Variants in GPD1 observed in about 807,000 individuals in gnomAD.
GPD1 encodes the protein glycerol-3-phosphate dehydrogenase 1.
GPD1 carries 19 observed loss-of-function variants against 34.4 expected under a neutral mutation model. The observed-to-expected ratio is 0.55, with a 90% CI of 0.39 to 0.81. The LOEUF (loss-of-function observed/expected upper bound fraction) is 0.81. Ranked by LOEUF, GPD1 falls within the 30% of genes least tolerant of loss-of-function variation. GPD1 has a pLI of 0.00. For missense variants in GPD1, 429 were observed against 447.0 expected (o/e 0.96, Z 0.36); for synonymous variants, 172 against 174.1 (o/e 0.99, Z 0.09).
rs2092015983 is a variant in GPD1, at chr12:50,110,820, T to C, written c.*1301T>C. On this transcript the variant is annotated 3_prime_UTR_variant, in exon 8 of 8. Coordinates refer to ENST00000301149, the MANE Select transcript of GPD1 (RefSeq NM_005276.4). ...GAACAGGAGGGGAGGAGGAGGAGTG[T>C]GCTCTGCACTTGCCTTGCTCCAGGA... 6.5e-6 allele frequency: 1 copy of C among 152,770 alleles called. No individual in the cohort carries two copies. Among genetic ancestry groups the C allele is most frequent in the Non-Finnish European group, 1.5e-5 (1 of 68,178 alleles). 9.5% of individuals were successfully genotyped at this position (152,770 alleles called of 1,614,324 possible). A position where few individuals can be genotyped will look rare whatever the true frequency, so the allele number is the denominator to read the frequency against.
intron 5 of GPD1, chr12:50,107,151 C>A (rs1340084079): frequency 5.9e-6 from 4 of 676,484 alleles, no homozygotes; most frequent in Non-Finnish European, 1.1e-5. Context: ...ATTTTAGCCC[C>A]GTGTGGGACT....
chr12:50,109,449 A>G lies in GPD1; in HGVS notation c.980A>G (p.Lys327Arg), dbSNP rs1951006995. The G allele has an allele frequency of 1.3e-6, 2 of 1,581,526 alleles. No individual in the cohort carries two copies. Among genetic ancestry groups the G allele is most frequent in the Non-Finnish European group, 1.7e-6 (2 of 1,150,342 alleles). The change falls in exon 8 of 8, where the codon AAG (lysine) becomes AGG (arginine). Residue 327 changes from lysine to arginine, a missense_variant. Transcript: ENST00000301149. ...DKFPLFMAVYKVCYEGQPVGE... is the reference protein window; with the variant it reads ...DKFPLFMAVYRVCYEGQPVGE... ...TTTCCCTTGTTCATGGCTGTGTACA[A>G]GGTGTGCTACGAGGGCCAGCCAGTG...
At position 50,109,524 on chromosome 12, in the gene GPD1, G is replaced by T. The variant is rs752005800; in HGVS notation, c.*5G>T. 6.8e-7 allele frequency: 1 copy of T among 1,463,370 alleles called. No homozygotes were observed. Among genetic ancestry groups the T allele is most frequent in the Non-Finnish European group, 9.6e-7 (1 of 1,041,858 alleles). The allele number at this position is 1,463,370 out of a possible 1,614,324, so 90.6% of individuals were successfully genotyped here. A position where few individuals can be genotyped will look rare whatever the true frequency, so the allele number is the denominator to read the frequency against. ...AATCATCCAGAACATATGTGAGTGG[G>T]GCCAGGGCCCAGGCCAGGCCGCTTT... On this transcript the variant is annotated 3_prime_UTR_variant, in exon 8 of 8. Transcript: ENST00000301149.
At position 50,105,541 on chromosome 12, in the gene GPD1, C is replaced by A; in HGVS notation, c.220-7C>A. On this transcript the variant is annotated splice_region_variant and splice_polypyrimidine_tract_variant and intron_variant, in intron 2 of 7. Transcript: ENST00000301149. ...CCAGGCCCGCGAGCACTTGGTCACC[C>A]CCACAGGTGGCTGTCCCAGATGTGG... 6.2e-7 allele frequency: 1 copy of A among 1,610,544 alleles called. No homozygotes were observed. The highest frequency in any genetic ancestry group is 8.5e-7 in the Non-Finnish European group (1 of 1,177,496).
intron 6 of GPD1, 42 bp downstream of exon 6, chr12:50,107,842 G>C: frequency 7.1e-7 from 1 of 1,399,684 alleles, no homozygotes; most frequent in Non-Finnish European, 1.0e-6. Flanking sequence ...CGGCTCTGTA[G>C]GCATCCAGGT....
At chr12:50,104,191 C>A in intron 1 of GPD1, 100 bp downstream of exon 1, 2 of 1,103,894 alleles carry the variant, frequency 1.8e-6, no homozygotes, top group South Asian at 1.2e-5. Flanking sequence ...GGTTCCTGTT[C>A]AGCCCCTGCT....
chr12:50,108,908 G>A (rs1951001675), intron 7 of GPD1, among the ~76,000 whole-genome samples: 1 of 152,086 alleles, frequency 6.6e-6, no homozygotes, highest in Non-Finnish European at 1.5e-5. Flanking sequence ...AGGCCAAGGT[G>A]GGTGGATCAC....
chr12:50,106,106 G>T, intron 3 of GPD1, 182 bp from the exon 4 acceptor site: 1 of 624,988 alleles, frequency 1.6e-6, no homozygotes, highest in Non-Finnish European at 2.8e-6. Flanking sequence ...AGGGTATGTG[G>T]CAGGACAGTT....
chr12:50,108,918 C>T (rs1320368445), intron 7 of GPD1, among the ~76,000 whole-genome samples: 9 of 151,954 alleles, frequency 5.9e-5, no homozygotes, highest in East Asian at 5.8e-4. Flanking sequence ...GGGTGGATCA[C>T]GAGGTCAGGA....
intron 5 of GPD1, 149 bp downstream of exon 5, chr12:50,107,066 G>T: frequency 1.4e-6 from 1 of 706,996 alleles, no homozygotes; most frequent in Non-Finnish European, 2.6e-6. Context: ...AGGAGGAGCT[G>T]CAGAAGCAAG....
intron 1 of GPD1, 184 bp downstream of exon 1, chr12:50,104,275 G>A: frequency 1.4e-6 from 1 of 708,664 alleles, no homozygotes; most frequent in South Asian, 1.6e-5. Flanking sequence ...CTGGGCAGCT[G>A]CACCTGTTCA....
rs1164138185 is a variant in GPD1, at chr12:50,109,795, A to C, written c.*276A>C. The C allele has an allele frequency of 4.8e-6, 2 of 419,530 alleles. No homozygotes were observed. Among genetic ancestry groups the C allele is most frequent in the East Asian group, 8.5e-5 (2 of 23,514 alleles). The allele number at this position is 419,530 out of a possible 1,614,324, so 26.0% of individuals were successfully genotyped here. A position where few individuals can be genotyped will look rare whatever the true frequency, so the allele number is the denominator to read the frequency against. On this transcript the variant is annotated 3_prime_UTR_variant, in exon 8 of 8. Coordinates refer to ENST00000301149, the MANE Select transcript of GPD1 (RefSeq NM_005276.4). Reference sequence around the variant, plus strand: ...CTCCATATCCTCTGGGAGGGGTGGAATCAAGCCCCAGTGCTGCCTGCTTGG... The same window carrying C: ...CTCCATATCCTCTGGGAGGGGTGGACTCAAGCCCCAGTGCTGCCTGCTTGG...
At position 50,108,053 on chromosome 12, in the gene GPD1, G is replaced by C; in HGVS notation, c.876G>C (p.Leu292=). The C allele has an allele frequency of 6.2e-6, 10 of 1,612,764 alleles. No individual in the cohort carries two copies. Among genetic ancestry groups the C allele is most frequent in the Non-Finnish European group, 8.5e-6 (10 of 1,179,074 alleles). The change falls in exon 7 of 8, where the codon CTG becomes CTC. Residue 292 remains leucine, a synonymous_variant. Coordinates refer to ENST00000301149, the MANE Select transcript of GPD1 (RefSeq NM_005276.4). ...KSIEQLEKEL[L]NGQKLQGPET... Reference sequence around the variant, plus strand: ...TTGAGCAGCTGGAGAAAGAGTTGCTGAATGGGCAGAAACTGCAGGGGCCCG... The same window carrying C: ...TTGAGCAGCTGGAGAAAGAGTTGCTCAATGGGCAGAAACTGCAGGGGCCCG...
In GPD1 at chr12:50,109,540, AG is replaced by A; in HGVS notation, c.*23del. On this transcript the variant is annotated 3_prime_UTR_variant, in exon 8 of 8. Transcript: ENST00000301149. ...TGTGAGTGGGGCCAGGGCCCAGGCC[AG>A]GCCGCTTTTTTACCCCAGTGGAGAC... 1 of 1,288,644 alleles carries A rather than the reference AG, an allele frequency of 7.8e-7. No homozygotes were observed. Among genetic ancestry groups the A allele is most frequent in the Non-Finnish European group, 1.1e-6 (1 of 881,914 alleles). The allele number at this position is 1,288,644 out of a possible 1,614,324, so 79.8% of individuals were successfully genotyped here. A position where few individuals can be genotyped will look rare whatever the true frequency, so the allele number is the denominator to read the frequency against.
chr12:50,104,208 T>C, intron 1 of GPD1, 117 bp downstream of exon 1: 1 of 977,082 alleles, frequency 1.0e-6, no homozygotes, highest in South Asian at 1.3e-5. Context: ...TGCTGCTATC[T>C]TCTATCATAG....
intron 5 of GPD1, 116 bp downstream of exon 5, chr12:50,107,033 T>C: frequency 1.4e-6 from 1 of 731,244 alleles, no homozygotes; most frequent in Non-Finnish European, 2.5e-6. Flanking sequence ...TGGTTCCCCT[T>C]TCCTACCATG....
In GPD1 at chr12:50,109,796, T is replaced by G. The variant is rs1371530222; in HGVS notation, c.*277T>G. The G allele has an allele frequency of 2.4e-6, 1 of 420,884 alleles. No homozygotes were observed. The highest frequency in any genetic ancestry group is 4.2e-5 in the East Asian group (1 of 23,670). The allele number at this position is 420,884 out of a possible 1,614,324, so 26.1% of individuals were successfully genotyped here. On this transcript the variant is annotated 3_prime_UTR_variant, in exon 8 of 8. Transcript: ENST00000301149. Reference sequence around the variant, plus strand: ...TCCATATCCTCTGGGAGGGGTGGAATCAAGCCCCAGTGCTGCCTGCTTGGT... The same window carrying G: ...TCCATATCCTCTGGGAGGGGTGGAAGCAAGCCCCAGTGCTGCCTGCTTGGT...
rs1951020853 is a variant in GPD1 at position 50,111,238 on chromosome 12, C to T, written c.*1719C>T. 1 of 152,220 alleles carries T rather than the reference C, an allele frequency of 6.6e-6. No homozygotes were observed. The highest frequency in any genetic ancestry group is 1.5e-5 in the Non-Finnish European group (1 of 68,050). 9.4% of individuals were successfully genotyped at this position (152,220 alleles called of 1,614,324 possible). On this transcript the variant is annotated 3_prime_UTR_variant, in exon 8 of 8. Coordinates refer to ENST00000301149, the MANE Select transcript of GPD1 (RefSeq NM_005276.4). This position sits in a 1 kb window ranked among gnomAD's most constrained non-coding sequence, Gnocchi z 4.1. Reference sequence around the variant, plus strand: ...CAAGCACTTTGCCTACTTTTGTTCACTCCCCAGTGCACTGTGACTCAGGCC... The same window carrying T: ...CAAGCACTTTGCCTACTTTTGTTCATTCCCCAGTGCACTGTGACTCAGGCC...
Position 50,109,824 on chromosome 12 carries a change from C to G in GPD1, c.*305C>G, listed in dbSNP as rs902941481. The stretch of plus-strand genomic sequence containing the variant: ...AGCCCCAGTGCTGCCTGCTTGGTGG[C>G]GGGGGTGATGTATGTGGAGAAGGGT... On this transcript the variant is annotated 3_prime_UTR_variant, in exon 8 of 8. Transcript: ENST00000301149. The G allele has an allele frequency of 1.2e-5, 4 of 331,728 alleles. No homozygotes were observed. Among genetic ancestry groups the G allele is most frequent in the Admixed American group, 8.5e-5 (2 of 23,512 alleles). 20.5% of individuals were successfully genotyped at this position (331,728 alleles called of 1,614,324 possible). A position where few individuals can be genotyped will look rare whatever the true frequency, so the allele number is the denominator to read the frequency against.
Sources: gnomAD v4.1 joint callset for allele counts (sites outside exome capture counted in the v4.1 genomes callset) on GRCh38, gnomAD v4.1.1 for gene constraint, Gnocchi (gnomAD v3.1) non-coding constraint, MANE v1.5 for transcripts, NCBI Gene and HGNC (gene_info 2026-07-23, HGNC 2026-07-21) for gene names.